Variants in GSG1L observed in about 807,000 individuals in gnomAD.
GSG1L encodes germ cell-specific gene 1-like protein.
In GSG1L, 24 loss-of-function variants were observed where a neutral mutation model predicts 42.1. The observed-to-expected ratio is 0.57, with a 90% CI of 0.41 to 0.80. The LOEUF (loss-of-function observed/expected upper bound fraction) is 0.80. Ranked by LOEUF, GSG1L falls within the 30% of genes least tolerant of loss-of-function variation. The pLI is 0.00. For missense variants in GSG1L, 445 were observed against 472.2 expected (o/e 0.94, Z 0.53); for synonymous variants, 215 against 203.5 (o/e 1.06, Z -0.48).
intron 5 of GSG1L, among the ~76,000 whole-genome samples, chr16:27,813,129 G>T (rs2140949596): frequency 6.6e-6 from 1 of 152,270 alleles, no homozygotes; most frequent in East Asian, 1.9e-4. Context: ...TACGTGTGCA[G>T]GTTTGTTACA....
chr16:27,999,209 A>G (rs986446470), intron 1 of GSG1L, among the ~76,000 whole-genome samples: 1 of 152,176 alleles, frequency 6.6e-6, no homozygotes, highest in Non-Finnish European at 1.5e-5. Flanking sequence ...TTGGGAGGCC[A>G]AGGCGGGCAG....
chr16:28,035,777 A>G (rs779741281), intron 1 of GSG1L, among the ~76,000 whole-genome samples: 3 of 151,990 alleles, frequency 2.0e-5, no homozygotes, highest in Non-Finnish European at 2.9e-5. Flanking sequence ...AGCTCCTACC[A>G]CCCCAGGGAG....
intron 1 of GSG1L, among the ~76,000 whole-genome samples, chr16:27,974,273 G>A (rs1188891664): frequency 2.6e-5 from 4 of 152,128 alleles, no homozygotes; most frequent in East Asian, 1.9e-4. Flanking sequence ...AAAGAAAAAC[G>A]TCACGGGAAA....
At chr16:28,031,465 A>C (rs935101465) in intron 1 of GSG1L, among the ~76,000 whole-genome samples, 2 of 151,954 alleles carry the variant, frequency 1.3e-5, no homozygotes, top group Non-Finnish European at 2.9e-5. Context: ...AATGGAATGG[A>C]ATGGGATTCA....
rs573508504 is a variant in GSG1L at position 27,916,749 on chromosome 16, C to A, written c.398-32111G>T. On this transcript the variant is annotated intron_variant, in intron 2 of 6. Transcript: ENST00000447459. ...TTGTGTGTAAAATGGGGGCACCTCC[C>A]TCATGGGGTTGTTAAAAACTAAAAG... 3.9e-5 allele frequency among the ~76,000 whole-genome samples: 6 copies of A among 152,236 alleles called. No homozygotes were observed. In the South Asian group the frequency reaches 1.2e-3, roughly 32 times the overall value.
At chr16:28,008,150 G>A (rs55666623) in intron 1 of GSG1L, among the ~76,000 whole-genome samples, 8,240 of 152,030 alleles carry the variant, frequency 0.054, 280 homozygotes, top group East Asian at 0.14. Context: ...CATGATCTCC[G>A]CTCACTGCAA....
At chr16:27,841,083 G>C (rs2083375857) in intron 4 of GSG1L, among the ~76,000 whole-genome samples, 1 of 152,214 alleles carries the variant, frequency 6.6e-6, no homozygotes, top group Non-Finnish European at 1.5e-5. Context: ...ATTTGGGGGT[G>C]ATGTGTACAC....
rs112560263 is a variant in GSG1L at position 27,933,579 on chromosome 16, T to A, written c.397+29577A>T. Among the ~76,000 whole-genome samples, 46 of 149,256 alleles carry A rather than the reference T, an allele frequency of 3.1e-4. 1 individual carries two copies. Among genetic ancestry groups the A allele is most frequent in the African/African-American group, 1.1e-3 (45 of 40,428 alleles). ...CAGGAGGATTGCTTGAGTCCAGGAG[T>A]TCTAGGTTACAGTGAGCTATGATCA... On this transcript the variant is annotated intron_variant, in intron 2 of 6. Coordinates refer to ENST00000447459, the MANE Select transcript of GSG1L (RefSeq NM_001109763.2).
intron 1 of GSG1L, among the ~76,000 whole-genome samples, chr16:28,022,167 G>C (rs960563134): frequency 1.3e-5 from 2 of 152,204 alleles, no homozygotes; most frequent in African/African-American, 4.8e-5. Context: ...ATACGACTCA[G>C]GGTAAAGATG....
intron 2 of GSG1L, among the ~76,000 whole-genome samples, chr16:27,901,626 C>A (rs147808843): frequency 2.6e-5 from 4 of 152,346 alleles, no homozygotes; most frequent in Admixed American, 6.5e-5. Context: ...TGGGAAGAGG[C>A]TGGGATCTGC....
At position 27,796,924 on chromosome 16, in the gene GSG1L, C is replaced by T. The variant is rs116677046; in HGVS notation, c.899-5457G>A. ...TGGGTTTACAGACGTGAGTGAGATGCGGCCCTCCCCCCGGGTGCTCACAGG... is the reference window on the plus strand; with the variant it reads ...TGGGTTTACAGACGTGAGTGAGATGTGGCCCTCCCCCCGGGTGCTCACAGG... On this transcript the variant is annotated intron_variant, in intron 6 of 6. Coordinates refer to ENST00000447459, the MANE Select transcript of GSG1L (RefSeq NM_001109763.2). 8.5e-3 allele frequency among the ~76,000 whole-genome samples: 1,298 copies of T among 152,214 alleles called. 20 individuals carry two copies. Among genetic ancestry groups the T allele is most frequent in the African/African-American group, 0.03 (1,251 of 41,524 alleles).
chr16:27,890,979 C>A (rs1209540232), intron 2 of GSG1L, among the ~76,000 whole-genome samples: 1 of 152,214 alleles, frequency 6.6e-6, no homozygotes, highest in Non-Finnish European at 1.5e-5. Flanking sequence ...CCCTTGGGGG[C>A]ACATTTCCAC....
intron 3 of GSG1L, among the ~76,000 whole-genome samples, chr16:27,878,918 G>A (rs1397830323): frequency 6.6e-6 from 1 of 152,230 alleles, no homozygotes; most frequent in Non-Finnish European, 1.5e-5. Flanking sequence ...AAATCACTAT[G>A]AGGAAGCATC....
chr16:27,930,968 T>G (rs932524687), intron 2 of GSG1L, among the ~76,000 whole-genome samples: 1 of 152,150 alleles, frequency 6.6e-6, no homozygotes, highest in Non-Finnish European at 1.5e-5. Flanking sequence ...AAGAGCCTGG[T>G]CTTGAACTCC....
intron 2 of GSG1L, among the ~76,000 whole-genome samples, chr16:27,916,108 G>A (rs1456075657): frequency 2.0e-5 from 3 of 152,086 alleles, no homozygotes; most frequent in African/African-American, 7.2e-5. Context: ...TCTAACCCCT[G>A]AGACACCCAA....
intron 2 of GSG1L, among the ~76,000 whole-genome samples, chr16:27,936,357 TAG>T (rs1567525529): frequency 6.6e-6 from 1 of 152,170 alleles, no homozygotes; most frequent in Non-Finnish European, 1.5e-5. Context: ...TCCTCATGAA[TAG>T]ATCAATGCCC....
chr16:27,946,688 GAAAGAATT>G lies in GSG1L; in HGVS notation c.397+16460_397+16467del, dbSNP rs1445533023. ...AGAAAGAAAGAAAGAAAGAAAGAAA[GAAAGAATT>G]AAATGAAGCAAGGGGTATGAGAGTA... On this transcript the variant is annotated intron_variant, in intron 2 of 6. Coordinates refer to ENST00000447459, the MANE Select transcript of GSG1L (RefSeq NM_001109763.2). Among the ~76,000 whole-genome samples the G allele has an allele frequency of 9.7e-3, 1,416 of 145,396 alleles. 66 individuals are homozygous for G. The highest frequency in any genetic ancestry group is 0.011 in the African/African-American group (427 of 39,538).
At chr16:28,042,899 G>C (rs867369400) in intron 1 of GSG1L, among the ~76,000 whole-genome samples, 5 of 152,222 alleles carry the variant, frequency 3.3e-5, no homozygotes, top group Middle Eastern at 3.2e-3. Context: ...GCTAGGTGAA[G>C]TGGAAGCCAA....
At chr16:28,053,625 G>T (rs1033664987) in intron 1 of GSG1L, among the ~76,000 whole-genome samples, 31 of 152,220 alleles carry the variant, frequency 2.0e-4, no homozygotes, top group Admixed American at 1.8e-3. Context: ...GGCCACGTGT[G>T]CTGCTACCGC....
Sources: gnomAD v4.1 joint callset for allele counts (sites outside exome capture counted in the v4.1 genomes callset) on GRCh38, gnomAD v4.1.1 for gene constraint, MANE v1.5 for transcripts, NCBI Gene and HGNC (gene_info 2026-07-23, HGNC 2026-07-21) for gene names.